Variants in MACROD2 observed in about 807,000 individuals in gnomAD.
The protein encoded by MACROD2 is mono-ADP ribosylhydrolase 2.
MACROD2 carries 36 observed loss-of-function variants against 70.4 expected under a neutral mutation model. The ratio of observed to expected loss-of-function variants is 0.51; its 90% CI spans 0.39 to 0.68. MACROD2 has a LOEUF of 0.68. MACROD2 is among the 30% of genes least tolerant of loss of function. MACROD2 has a pLI of 0.00. For missense variants in MACROD2, 496 were observed against 538.4 expected, an observed-to-expected ratio of 0.92 and a Z score of 0.78; for synonymous variants, 172 against 178.8, an observed-to-expected ratio of 0.96 and a Z score of 0.30.
intron 3 of MACROD2, among the ~76,000 whole-genome samples, chr20:14,113,571 A>G (rs2054479421): frequency 6.6e-6 from 1 of 152,064 alleles, no homozygotes; most frequent in African/African-American, 2.4e-5. Context: ...ACAGGTGGAG[A>G]AAGAGGATGA....
intron 3 of MACROD2, among the ~76,000 whole-genome samples, chr20:14,090,498 G>A (rs965896826): frequency 5.3e-5 from 8 of 151,346 alleles, no homozygotes; most frequent in African/African-American, 1.5e-4. Flanking sequence ...GCTTGAACCC[G>A]GGAGGTGGAG....
At chr20:14,467,569 G>T (rs1043460554) in intron 3 of MACROD2, among the ~76,000 whole-genome samples, 7 of 152,072 alleles carry the variant, frequency 4.6e-5, no homozygotes, top group African/African-American at 1.7e-4. Context: ...GCACTCCCCA[G>T]TGAGGTGAAC....
rs185147820 is a variant in MACROD2 at position 15,198,812 on chromosome 20, G to A, written c.419-31128G>A. Among the ~76,000 whole-genome samples the A allele has an allele frequency of 1.5e-3, 230 of 152,224 alleles. 1 individual carries two copies. In the Middle Eastern group the frequency reaches 0.02, roughly 14 times the overall value. On this transcript the variant is annotated intron_variant, in intron 5 of 17. Coordinates refer to ENST00000684519, the MANE Select transcript of MACROD2 (RefSeq NM_001351661.2). ...ACTCCGTAGAGTGTAGCAATCTGCT[G>A]GGAACTAGAAGCATATCAAAGGCTC...
At chr20:15,109,871 C>T (rs16995322) in intron 5 of MACROD2, among the ~76,000 whole-genome samples, 2,506 of 151,916 alleles carry the variant, frequency 0.016, 77 homozygotes, top group African/African-American at 0.058. Flanking sequence ...ATATTTTTCA[C>T]AAAGGCGAAA....
At position 16,041,217 on chromosome 20, in the gene MACROD2, A is replaced by C; in HGVS notation, c.1170A>C (p.Thr390=). 6.2e-7 allele frequency: 1 copy of C among 1,611,978 alleles called. No individual in the cohort carries two copies. Among genetic ancestry groups the C allele is most frequent in the South Asian group, 1.1e-5 (1 of 90,926 alleles). ...KEGEKAPGED[T]PRMPGKSEGS... ...CTCTTCCAGCTCCAGGCGAGGACAC[A>C]CCTAGGATGCCTGGGAAAAGTGAAG... The change falls in exon 16 of 18, where the codon ACA becomes ACC. Residue 390 remains threonine (T), a synonymous_variant. Transcript: ENST00000684519.
At chr20:15,560,762 CAAAAA>C (rs71190190) in intron 8 of MACROD2, among the ~76,000 whole-genome samples, 61 of 22,076 alleles carry the variant, frequency 2.8e-3, no homozygotes, top group African/African-American at 6.7e-3. Flanking sequence ...AACAAAGTCT[CAAAAA>C]AAAAAAAAAA....
chr20:15,423,656 T>C (rs988805664), intron 6 of MACROD2, among the ~76,000 whole-genome samples: 2 of 152,104 alleles, frequency 1.3e-5, no homozygotes, highest in Non-Finnish European at 2.9e-5. Flanking sequence ...GTGTCTCTTC[T>C]TATAAGAGCA....
intron 3 of MACROD2, among the ~76,000 whole-genome samples, chr20:14,380,424 A>C (rs1022700862): frequency 2.6e-5 from 4 of 152,014 alleles, no homozygotes; most frequent in African/African-American, 9.7e-5. Context: ...GATGATATCC[A>C]ACTTGTCTAT....
At chr20:15,201,114 C>T (rs1042475116) in intron 5 of MACROD2, among the ~76,000 whole-genome samples, 1 of 152,110 alleles carries the variant, frequency 6.6e-6, no homozygotes, top group African/African-American at 2.4e-5. Flanking sequence ...TAGAAGTACT[C>T]AAACTCCCTG....
intron 8 of MACROD2, among the ~76,000 whole-genome samples, chr20:15,527,369 T>C (rs1201054205): frequency 6.6e-6 from 1 of 152,238 alleles, no homozygotes; most frequent in Non-Finnish European, 1.5e-5. Flanking sequence ...AATAAGAAAT[T>C]ATCTGAAAGG....
chr20:15,530,362 A>G (rs11699465), intron 8 of MACROD2, among the ~76,000 whole-genome samples: 1 of 152,220 alleles, frequency 6.6e-6, no homozygotes, highest in Non-Finnish European at 1.5e-5. Flanking sequence ...GTTTAATACC[A>G]TAATACTAAG....
chr20:14,548,422 T>C (rs930321042), intron 4 of MACROD2, among the ~76,000 whole-genome samples: 1 of 128,192 alleles, frequency 7.8e-6, no homozygotes. Context: ...TCTAACACTA[T>C]AAAATACATT....
At chr20:15,825,597 C>T (rs919881383) in intron 8 of MACROD2, among the ~76,000 whole-genome samples, 1 of 151,712 alleles carries the variant, frequency 6.6e-6, no homozygotes, top group African/African-American at 2.4e-5. Flanking sequence ...CTCCTGGGTT[C>T]AAGCCAGATA....
chr20:14,150,513 CT>C (rs1031070088), intron 3 of MACROD2, among the ~76,000 whole-genome samples: 15 of 152,234 alleles, frequency 9.9e-5, no homozygotes, highest in Admixed American at 7.8e-4. Context: ...GCAAGCAGTA[CT>C]TTTTCCCTCA....
intron 5 of MACROD2, among the ~76,000 whole-genome samples, chr20:14,701,532 T>C (rs1192660581): frequency 6.6e-6 from 1 of 152,190 alleles, no homozygotes; most frequent in Non-Finnish European, 1.5e-5. Flanking sequence ...GAGATCCCTC[T>C]GCTGAATTGC....
intron 4 of MACROD2, among the ~76,000 whole-genome samples, chr20:14,658,867 G>A (rs1373128107): frequency 6.6e-6 from 1 of 152,186 alleles, no homozygotes; most frequent in Non-Finnish European, 1.5e-5. Flanking sequence ...ACATGCCTCG[G>A]CCTCCCAGAG....
At chr20:14,283,616 A>G (rs1386409826) in intron 3 of MACROD2, among the ~76,000 whole-genome samples, 2 of 152,206 alleles carry the variant, frequency 1.3e-5, no homozygotes, top group East Asian at 3.8e-4. Flanking sequence ...CAAAACATGA[A>G]ATAAAAATTT....
intron 3 of MACROD2, among the ~76,000 whole-genome samples, chr20:14,470,081 C>T (rs958675211): frequency 4.6e-5 from 7 of 152,028 alleles, no homozygotes; most frequent in African/African-American, 9.7e-5. Context: ...TACCTTTGGT[C>T]TTTGCTGTTG....
intron 5 of MACROD2, among the ~76,000 whole-genome samples, chr20:15,009,564 G>A (rs543733151): frequency 5.4e-4 from 82 of 152,212 alleles, no homozygotes; most frequent in Middle Eastern, 6.8e-3. Flanking sequence ...TCTATAAAGA[G>A]CATGTTTTGT....
Sources: allele counts gnomAD v4.1 joint callset (sites outside exome capture counted in the v4.1 genomes callset), GRCh38; gene constraint gnomAD v4.1.1; transcripts MANE v1.5; gene names NCBI Gene and HGNC (gene_info 2026-07-23, HGNC 2026-07-21).